ASXL2: variants seen among roughly 807,000 people sequenced by gnomAD.
ASXL2 encodes the protein putative Polycomb group protein ASXL2.
A neutral mutation model predicts 122.0 loss-of-function variants in ASXL2; 23 were observed. That is an observed-to-expected ratio of 0.19 (90% CI 0.14 to 0.27). The LOEUF is 0.27. Among genes scored for constraint, ASXL2 ranks in the 10% least tolerant of loss-of-function variants. The pLI, the probability that ASXL2 is intolerant of heterozygous loss-of-function variation, is 1.00. For missense variants in ASXL2, 1,518 were observed against 1,713.8 expected (o/e 0.89, Z 2.02); for synonymous variants, 650 against 637.0 (o/e 1.02, Z -0.31).
intron 9 of ASXL2, among the ~76,000 whole-genome samples, chr2:25,757,921 CAAAAA>C (rs10524530): frequency 1.8e-4 from 23 of 127,330 alleles, no homozygotes; most frequent in Admixed American, 3.2e-4. Flanking sequence ...GAGTCTTTAA[CAAAAA>C]AAAAAAAAAA....
intron 5 of ASXL2, among the ~76,000 whole-genome samples, chr2:25,777,521 T>C (rs1025302150): frequency 2.0e-5 from 3 of 151,912 alleles, no homozygotes; most frequent in African/African-American, 7.3e-5. Flanking sequence ...CATAAACTTG[T>C]AGTCCCAGCT....
chr2:25,819,077 C>G (rs1432558787), intron 3 of ASXL2, among the ~76,000 whole-genome samples: 1 of 152,112 alleles, frequency 6.6e-6, no homozygotes, highest in Non-Finnish European at 1.5e-5. Flanking sequence ...GAATCCAGAC[C>G]CTCAATCTGA....
intron 1 of ASXL2, among the ~76,000 whole-genome samples, chr2:25,873,994 C>G (rs1243471246): frequency 6.6e-6 from 1 of 152,134 alleles, no homozygotes; most frequent in Non-Finnish European, 1.5e-5. Flanking sequence ...CTCAGGATGT[C>G]ATCAAATATT....
chr2:25,779,001 G>A (rs1424857272), intron 5 of ASXL2, among the ~76,000 whole-genome samples: 1 of 151,320 alleles, frequency 6.6e-6, no homozygotes. Context: ...AAGAAAAGAA[G>A]TCATCATTTA....
intron 4 of ASXL2, among the ~76,000 whole-genome samples, chr2:25,799,994 A>G (rs918685576): frequency 1.7e-5 from 2 of 119,758 alleles, no homozygotes; most frequent in African/African-American, 3.6e-5. Flanking sequence ...AAAAAAATGC[A>G]AAAAAAAAAA....
chr2:25,844,807 T>C (rs2089631035), intron 2 of ASXL2, among the ~76,000 whole-genome samples: 4 of 152,076 alleles, frequency 2.6e-5, no homozygotes, highest in Non-Finnish European at 5.9e-5. Context: ...ATCTAGTTAA[T>C]ACAATTTTTC....
At chr2:25,824,552 T>C (rs1017654064) in intron 3 of ASXL2, among the ~76,000 whole-genome samples, 2 of 152,108 alleles carry the variant, frequency 1.3e-5, no homozygotes, top group African/African-American at 2.4e-5. Flanking sequence ...ATGTACACTA[T>C]CTAAAAACTG....
chr2:25,868,832 C>A (rs1374596147), intron 1 of ASXL2, among the ~76,000 whole-genome samples: 1 of 152,054 alleles, frequency 6.6e-6, no homozygotes, highest in Non-Finnish European at 1.5e-5. Flanking sequence ...AATTCAAGAC[C>A]AGCATGAGCA....
At chr2:25,810,993 G>A (rs553678738) in intron 3 of ASXL2, among the ~76,000 whole-genome samples, 8 of 151,846 alleles carry the variant, frequency 5.3e-5, no homozygotes, top group African/African-American at 1.9e-4. Flanking sequence ...TTGGGAGGCT[G>A]AGGCGGGTGG....
chr2:25,840,821 A>T (rs2089570828), intron 2 of ASXL2, among the ~76,000 whole-genome samples: 1 of 152,246 alleles, frequency 6.6e-6, no homozygotes, highest in African/African-American at 2.4e-5. Context: ...ATCAAACAAA[A>T]ATGGTATTGA....
chr2:25,790,026 C>A (rs1428171456), intron 5 of ASXL2, among the ~76,000 whole-genome samples: 1 of 152,000 alleles, frequency 6.6e-6, no homozygotes, highest in Non-Finnish European at 1.5e-5. Flanking sequence ...AAAAAAGGGA[C>A]AAGATCATTT....
intron 1 of ASXL2, chr2:25,856,762 CCTT>C: frequency 7.7e-7 from 1 of 1,300,126 alleles, no homozygotes; most frequent in South Asian, 1.2e-5. Flanking sequence ...CAGCTGCAGA[CCTT>C]CTTCTCAAAG....
At chr2:25,809,937 CA>C in intron 3 of ASXL2, 1 of 521,688 alleles carries the variant, frequency 1.9e-6, no homozygotes, top group East Asian at 5.3e-5. Flanking sequence ...ACATCTCATT[CA>C]GGTCAAGCAG....
intron 3 of ASXL2, among the ~76,000 whole-genome samples, chr2:25,821,477 T>C (rs1434691212): frequency 6.6e-6 from 1 of 151,610 alleles, no homozygotes; most frequent in Non-Finnish European, 1.5e-5. Flanking sequence ...TAAAAAAATA[T>C]GCGGGGCTGG....
At chr2:25,772,460 C>CGGT (rs977308457) in intron 5 of ASXL2, among the ~76,000 whole-genome samples, 3 of 152,012 alleles carry the variant, frequency 2.0e-5, no homozygotes, top group Non-Finnish European at 4.4e-5. Context: ...AGACCGTGTG[C>CGGT]GGTGGCTCAT....
At chr2:25,832,950 A>G (rs2089471084) in intron 3 of ASXL2, among the ~76,000 whole-genome samples, 1 of 152,242 alleles carries the variant, frequency 6.6e-6, no homozygotes, top group Non-Finnish European at 1.5e-5. Context: ...AGATGGTTAC[A>G]TACTCTATGA....
At chr2:25,768,150 C>T (rs941963652) in intron 7 of ASXL2, among the ~76,000 whole-genome samples, 11 of 152,116 alleles carry the variant, frequency 7.2e-5, no homozygotes, top group African/African-American at 2.7e-4. Flanking sequence ...CTTAGGAAAC[C>T]CTGTTATTTT....
intron 1 of ASXL2, among the ~76,000 whole-genome samples, chr2:25,870,649 G>A (rs998991414): frequency 1.6e-4 from 25 of 152,140 alleles, no homozygotes; most frequent in Non-Finnish European, 7.3e-5. Flanking sequence ...ACTCCAGCCT[G>A]AGTGACAGAG....
At chr2:25,807,727 T>G (rs771673756) in intron 3 of ASXL2, among the ~76,000 whole-genome samples, 1 of 152,124 alleles carries the variant, frequency 6.6e-6, no homozygotes, top group African/African-American at 2.4e-5. Context: ...CCTCATAGAC[T>G]GTTGGTGGAA....
Sources: allele counts gnomAD v4.1 joint callset (sites outside exome capture counted in the v4.1 genomes callset), GRCh38; gene constraint gnomAD v4.1.1; transcripts MANE v1.5; gene names NCBI Gene and HGNC (gene_info 2026-07-23, HGNC 2026-07-21).